SMG7: variants seen among roughly 807,000 people sequenced by gnomAD.
SMG7 encodes the protein SMG7 nonsense mediated mRNA decay factor.
SMG7 carries 34 observed loss-of-function variants against 148.2 expected under a neutral mutation model. The observed-to-expected ratio is 0.23, with a 90% CI of 0.17 to 0.31. The LOEUF is 0.31. SMG7 is among the 10% of genes least tolerant of loss of function. SMG7 has a pLI of 1.00. For missense variants in SMG7, 1,114 were observed against 1,408.4 expected (o/e 0.79, Z 3.35); for synonymous variants, 492 against 515.1 (o/e 0.96, Z 0.61).
intron 1 of SMG7, among the ~76,000 whole-genome samples, chr1:183,511,928 A>C (rs1662246020): frequency 6.6e-6 from 1 of 152,222 alleles, no homozygotes; most frequent in Non-Finnish European, 1.5e-5. Context: ...TTCCTTCCAC[A>C]ATTGGAAAGC....
In SMG7 at chr1:183,473,884, T is replaced by C. The variant is rs1014621841; in HGVS notation, c.29+1235T>C. On this transcript the variant is annotated intron_variant, in intron 1 of 22. Coordinates refer to ENST00000688051, the MANE Select transcript of SMG7 (RefSeq NM_001375584.1). ...GTATTGACGTGTGTGGATCCCTATA[T>C]GTATATTGCAAGAGGTGTGTAGTTA... 12 of 985,276 alleles carry C rather than the reference T, an allele frequency of 1.2e-5. No homozygotes were observed. In the East Asian group the frequency reaches 5.7e-4, roughly 47 times the overall value. The allele number at this position is 985,276 out of a possible 1,614,324, so 61.0% of individuals were successfully genotyped here.
intron 4 of SMG7, among the ~76,000 whole-genome samples, chr1:183,520,635 C>T (rs567556600): frequency 2.0e-5 from 3 of 152,210 alleles, no homozygotes; most frequent in African/African-American, 7.2e-5. Flanking sequence ...CTACCTTCTG[C>T]AGTACATTTT....
In SMG7 at chr1:183,528,886, C is replaced by T; in HGVS notation, c.557-6C>T. 1 of 1,608,468 alleles carries T rather than the reference C, an allele frequency of 6.2e-7. No individual in the cohort carries two copies. The highest frequency in any genetic ancestry group is 8.5e-7 in the Non-Finnish European group (1 of 1,177,406). On this transcript the variant is annotated splice_polypyrimidine_tract_variant and splice_region_variant and intron_variant, in intron 6 of 22. Transcript: ENST00000688051. ...GTTACTCCAGAATCTTAACTTTCTC[C>T]TGTAGGTCAGCCTTATAATCAGTTG...
At chr1:183,530,174 G>T (rs1008760704) in intron 8 of SMG7, among the ~76,000 whole-genome samples, 10 of 151,966 alleles carry the variant, frequency 6.6e-5, no homozygotes, top group Non-Finnish European at 1.2e-4. Flanking sequence ...ATTGTTTTAG[G>T]CACTGTGTTA....
chr1:183,482,723 C>T (rs1654481380), intron 1 of SMG7, among the ~76,000 whole-genome samples: 1 of 152,084 alleles, frequency 6.6e-6, no homozygotes, highest in Admixed American at 6.6e-5. Flanking sequence ...GTTAAACTAT[C>T]ATAGGTAAAT....
rs1276708769 is a variant in SMG7, at chr1:183,527,762, GT to G, written c.485-193del. ...CTTTAAAATTGGTTACATGCTGAAT[GT>G]CCCAAATAAGGAAGGCTGATGGACA... On this transcript the variant is annotated intron_variant, in intron 5 of 22. Transcript: ENST00000688051. This position sits in a 1 kb window ranked among gnomAD's most constrained non-coding sequence, Gnocchi z 4.0. 14 of 590,450 alleles carry G rather than the reference GT, an allele frequency of 2.4e-5. No individual in the cohort carries two copies. Among genetic ancestry groups the G allele is most frequent in the South Asian group, 1.9e-4 (12 of 64,190 alleles). 36.6% of individuals were successfully genotyped at this position (590,450 alleles called of 1,614,324 possible). A position where few individuals can be genotyped will look rare whatever the true frequency, so the allele number is the denominator to read the frequency against.
rs1407120065 is a variant in SMG7 at position 183,529,258 on chromosome 1, C to T, written c.708-140C>T. On this transcript the variant is annotated intron_variant, in intron 7 of 22. Coordinates refer to ENST00000688051, the MANE Select transcript of SMG7 (RefSeq NM_001375584.1). Reference sequence around the variant, plus strand: ...AGTACACAGGCTGTTAATACTGACTCATCTTGAGTGTGTTGCAGTTGAAAA... The same window carrying T: ...AGTACACAGGCTGTTAATACTGACTTATCTTGAGTGTGTTGCAGTTGAAAA... 4 of 973,764 alleles carry T rather than the reference C, an allele frequency of 4.1e-6. No individual in the cohort carries two copies. The African/African-American group carries it at 4.9e-5, about 12-fold the overall frequency. The allele number at this position is 973,764 out of a possible 1,614,324, so 60.3% of individuals were successfully genotyped here. A position where few individuals can be genotyped will look rare whatever the true frequency, so the allele number is the denominator to read the frequency against.
intron 3 of SMG7, 63 bp from the exon 4 acceptor site, chr1:183,517,623 CAG>C (rs1402385777): frequency 1.9e-5 from 29 of 1,496,880 alleles, no homozygotes; most frequent in Non-Finnish European, 2.7e-5. Context: ...TTCTTGTTCT[CAG>C]GGGGACCAGT....
intron 18 of SMG7, among the ~76,000 whole-genome samples, chr1:183,548,337 G>A (rs1363141810): frequency 6.6e-6 from 1 of 152,158 alleles, no homozygotes; most frequent in Admixed American, 6.5e-5. Flanking sequence ...CTCTATGTTT[G>A]CCTTTCTTGT....
At chr1:183,491,338 A>G (rs1358958055) in intron 1 of SMG7, among the ~76,000 whole-genome samples, 3 of 152,156 alleles carry the variant, frequency 2.0e-5, no homozygotes, top group Non-Finnish European at 2.9e-5. Context: ...TAATTTGTTT[A>G]TCCATTCAGC....
Position 183,542,395 on chromosome 1 carries a change from G to A in SMG7, c.1735G>A (p.Val579Ile). 6.2e-7 allele frequency: 1 copy of A among 1,613,964 alleles called. No individual in the cohort carries two copies. Among genetic ancestry groups the A allele is most frequent in the Non-Finnish European group, 8.5e-7 (1 of 1,179,868 alleles). Residue 579 changes from valine (V) to isoleucine (I), a missense_variant, in exon 14 of 23, where the codon GTA becomes ATA. Around this residue, in one of 4 missense-constraint regions of SMG7, gnomAD observed 788 missense variants for 894.5 expected, o/e 0.88. Transcript: ENST00000688051. Reference protein sequence around the residue: ...VRRDYSKGITVTKNDGKKDNN... With the variant: ...VRRDYSKGITITKNDGKKDNN... ...AAGGGACTATAGCAAAGGAATAACTGTAACTAAGAATGATGGAAAGAAGGA... is the reference window on the plus strand; with the variant it reads ...AAGGGACTATAGCAAAGGAATAACTATAACTAAGAATGATGGAAAGAAGGA...
At chr1:183,546,972 C>A in intron 17 of SMG7, 131 bp from the exon 18 acceptor site, 2 of 870,348 alleles carry the variant, frequency 2.3e-6, no homozygotes, top group Admixed American at 3.4e-5. Context: ...AGCGTTTTTT[C>A]TCTTTGCCTA....
chr1:183,490,837 G>C (rs886672708), intron 1 of SMG7, among the ~76,000 whole-genome samples: 12 of 152,180 alleles, frequency 7.9e-5, no homozygotes, highest in African/African-American at 2.7e-4. Context: ...CCAGGTTGGA[G>C]TGCAGTGGCA....
chr1:183,480,679 T>C (rs1305446629), intron 1 of SMG7, among the ~76,000 whole-genome samples: 1 of 152,144 alleles, frequency 6.6e-6, no homozygotes, highest in Non-Finnish European at 1.5e-5. Context: ...AATTACCAAA[T>C]AGTTCATACT....
In SMG7 at chr1:183,545,061, C is replaced by A; in HGVS notation, c.2119C>A (p.Gln707Lys). The A allele has an allele frequency of 6.2e-7, 1 of 1,614,064 alleles. No homozygotes were observed. The highest frequency in any genetic ancestry group is 8.5e-7 in the Non-Finnish European group (1 of 1,179,996). ...QPTAHSPAGN[Q>K]VQAGKQSHIP... Reference sequence around the variant, plus strand: ...TACAGCTCACTCTCCAGCAGGAAACCAGGTGCAAGCTGGGAAACAGTCCCA... The same window carrying A: ...TACAGCTCACTCTCCAGCAGGAAACAAGGTGCAAGCTGGGAAACAGTCCCA... Residue 707 changes from glutamine (Q) to lysine (K), a missense_variant, in exon 16 of 23, where the codon CAG (glutamine) becomes AAG (lysine). By Grantham distance (53) the Gln-to-Lys change is moderately conservative (BLOSUM62 1). This residue lies in a region of SMG7 where 788 missense variants were observed against 894.5 expected (regional missense o/e 0.88). Transcript: ENST00000688051.
chr1:183,540,863 C>G, intron 12 of SMG7, 121 bp from the exon 13 acceptor site: 5 of 755,868 alleles, frequency 6.6e-6, no homozygotes, highest in Non-Finnish European at 1.1e-5. Context: ...TTGATTACAT[C>G]AAGTAGCTAA....
intron 1 of SMG7, among the ~76,000 whole-genome samples, chr1:183,474,269 G>C (rs887475832): frequency 1.3e-5 from 2 of 152,194 alleles, no homozygotes; most frequent in African/African-American, 2.4e-5. Context: ...TACCATGAAA[G>C]ATACCAAACG....
At chr1:183,521,248 A>G (rs1243539340) in intron 4 of SMG7, among the ~76,000 whole-genome samples, 1 of 151,792 alleles carries the variant, frequency 6.6e-6, no homozygotes, top group Admixed American at 6.6e-5. Context: ...ACAGGTGCGC[A>G]CCATCACATC....
chr1:183,517,885 G>A (rs535548624), intron 4 of SMG7, 65 bp downstream of exon 4: 17 of 1,485,796 alleles, frequency 1.1e-5, no homozygotes, highest in African/African-American at 2.8e-5. Flanking sequence ...CTTTGTACAC[G>A]TCTTAATGCA....
Sources: allele counts gnomAD v4.1 joint callset (sites outside exome capture counted in the v4.1 genomes callset), GRCh38; gene constraint gnomAD v4.1.1; regional missense constraint gnomAD v4.1.1; non-coding constraint Gnocchi (gnomAD v3.1); transcripts MANE v1.5; gene names NCBI Gene and HGNC (gene_info 2026-07-23, HGNC 2026-07-21).